UGT1A1: variants seen among roughly 807,000 people sequenced by gnomAD.
UGT1A1 encodes the protein UDP glucuronosyltransferase family 1 member A1.
Under a neutral mutation model 40.6 loss-of-function variants are expected in UGT1A1, and 33 were observed. That is an observed-to-expected ratio of 0.81 (90% CI 0.62 to 1.09). The LOEUF (loss-of-function observed/expected upper bound fraction) is 1.09. Among genes scored for constraint, UGT1A1 ranks in the 50% least tolerant of loss-of-function variants. The pLI is 0.00. For missense variants in UGT1A1, 694 were observed against 671.2 expected (o/e 1.03, Z -0.38); for synonymous variants, 249 against 265.0 (o/e 0.94, Z 0.59).
chr2:233,766,981 G>C lies in UGT1A1; in HGVS notation c.865-53G>C, dbSNP rs1699300845. On this transcript the variant is annotated intron_variant, in intron 1 of 4. Coordinates refer to ENST00000305208, the MANE Select transcript of UGT1A1 (RefSeq NM_000463.3). Reference sequence around the variant, plus strand: ...TCTAATTCATAACTTACTGTATGTAGTCATCAAAGAATATGAGAAAAAATT... The same window carrying C: ...TCTAATTCATAACTTACTGTATGTACTCATCAAAGAATATGAGAAAAAATT... 1.9e-6 allele frequency: 3 copies of C among 1,612,648 alleles called. No individual in the cohort carries two copies. In the East Asian group the frequency reaches 6.7e-5, roughly 36 times the overall value.
rs867393133 is a variant in UGT1A1 at position 233,772,500 on chromosome 2, C to T, written c.1543C>T (p.Arg515Trp). ...CTTTAAATGTTGTGCTTATGGCTACCGGAAATGCTTGGGGAAAAAAGGGCG... is the reference window on the plus strand; with the variant it reads ...CTTTAAATGTTGTGCTTATGGCTACTGGAAATGCTTGGGGAAAAAAGGGCG... ...ITFKCCAYGY[R>W]KCLGKKGRVK... Residue 515 changes from arginine (R) to tryptophan (W), a missense_variant, in exon 5 of 5, where the codon CGG becomes TGG. Arg to Trp is a moderately radical substitution (Grantham distance 101). Coordinates refer to ENST00000305208, the MANE Select transcript of UGT1A1 (RefSeq NM_000463.3). 25 of 1,614,078 alleles carry T rather than the reference C, an allele frequency of 1.5e-5. No homozygotes were observed. Among genetic ancestry groups the T allele is most frequent in the African/African-American group, 8.0e-5 (6 of 74,994 alleles).
At chr2:233,762,468 G>A (rs976449997) in intron 1 of UGT1A1, among the ~76,000 whole-genome samples, 1 of 152,122 alleles carries the variant, frequency 6.6e-6, no homozygotes, top group Non-Finnish European at 1.5e-5. Context: ...TAATGTCATG[G>A]ATATCACTCC....
intron 2 of UGT1A1, 147 bp from the exon 3 acceptor site, chr2:233,767,702 C>A: frequency 1.3e-6 from 2 of 1,514,192 alleles, no homozygotes; most frequent in Non-Finnish European, 1.8e-6. Flanking sequence ...AGTTGCCAGT[C>A]CTCAGAAGCC....
Position 233,769,484 on chromosome 2 carries a change from T to C in UGT1A1, c.1304+1045T>C, listed in dbSNP as rs774504306. 6.2e-6 allele frequency: 10 copies of C among 1,612,518 alleles called. No homozygotes were observed. The South Asian group carries it at 9.9e-5, about 16-fold the overall frequency. Reference sequence around the variant, plus strand: ...ATATGCGTGTGTGTGTGTGTGCGTGTGTTTATGAGAGTGTCCATTGCTTTC... The same window carrying C: ...ATATGCGTGTGTGTGTGTGTGCGTGCGTTTATGAGAGTGTCCATTGCTTTC... On this transcript the variant is annotated intron_variant, in intron 4 of 4. Coordinates refer to ENST00000305208, the MANE Select transcript of UGT1A1 (RefSeq NM_000463.3). This position sits in a 1 kb window ranked among gnomAD's most constrained non-coding sequence, Gnocchi z 4.4.
rs1341101614 is a variant in UGT1A1, at chr2:233,760,456, A to T, written c.169A>T (p.Ile57Leu). Residue 57 changes from isoleucine (I) to leucine (L), a missense_variant, in exon 1 of 5, where the codon ATA becomes TTA. Physicochemically the swap from Ile to Leu is conservative, Grantham distance 5. Coordinates refer to ENST00000305208, the MANE Select transcript of UGT1A1 (RefSeq NM_000463.3). The stretch of plus-strand genomic sequence containing the variant: ...GCAGCTGCAGCAGAGGGGACATGAA[A>T]TAGTTGTCCTAGCACCTGACGCCTC... ...IQQLQQRGHE[I>L]VVLAPDASLY... 6.2e-7 allele frequency: 1 copy of T among 1,614,230 alleles called. No homozygotes were observed. The highest frequency in any genetic ancestry group is 8.5e-7 in the Non-Finnish European group (1 of 1,180,046).
chr2:233,767,989 T>C lies in UGT1A1; in HGVS notation c.1084+53T>C, dbSNP rs1699539176. The C allele has an allele frequency of 3.1e-6, 5 of 1,614,076 alleles. No homozygotes were observed. In the Admixed American group the frequency reaches 5.0e-5, roughly 16 times the overall value. Reference sequence around the variant, plus strand: ...TCAAACCAGGGTCAAATTAAGAAAATGGCTTAAGCACAGCTATTCTAAAGG... The same window carrying C: ...TCAAACCAGGGTCAAATTAAGAAAACGGCTTAAGCACAGCTATTCTAAAGG... On this transcript the variant is annotated intron_variant, in intron 3 of 4. Coordinates refer to ENST00000305208, the MANE Select transcript of UGT1A1 (RefSeq NM_000463.3).
intron 1 of UGT1A1, 37 bp downstream of exon 1, chr2:233,761,188 C>A: frequency 6.2e-7 from 1 of 1,614,130 alleles, no homozygotes; most frequent in Non-Finnish European, 8.5e-7. Context: ...TGCGTATATT[C>A]TTTCAGATGT....
At chr2:233,767,763 C>T (rs34082659) in intron 2 of UGT1A1, 86 bp from the exon 3 acceptor site, 28,610 of 1,607,468 alleles carry the variant, frequency 0.018, 380 homozygotes, top group Admixed American at 0.044. Flanking sequence ...CTTCAGAGGA[C>T]CCCTGTTTTC....
intron 1 of UGT1A1, 98 bp from the exon 2 acceptor site, chr2:233,766,936 A>C: frequency 6.3e-7 from 1 of 1,586,086 alleles, no homozygotes; most frequent in Admixed American, 1.8e-5. Flanking sequence ...GCCTTTAATC[A>C]TAGTCTTAAG....
intron 4 of UGT1A1, 132 bp from the exon 5 acceptor site, chr2:233,772,130 A>G: frequency 2.6e-6 from 4 of 1,542,514 alleles, no homozygotes; most frequent in Non-Finnish European, 2.6e-6. Context: ...AACAACAACA[A>G]CAATAATAGA....
chr2:233,769,698 G>T lies in UGT1A1; in HGVS notation c.1304+1259G>T. 1.3e-6 allele frequency: 2 copies of T among 1,529,982 alleles called. No individual in the cohort carries two copies. Among genetic ancestry groups the T allele is most frequent in the Non-Finnish European group, 1.8e-6 (2 of 1,137,522 alleles). The allele number at this position is 1,529,982 out of a possible 1,614,324, so 94.8% of individuals were successfully genotyped here. A position where few individuals can be genotyped will look rare whatever the true frequency, so the allele number is the denominator to read the frequency against. On this transcript the variant is annotated intron_variant, in intron 4 of 4. Coordinates refer to ENST00000305208, the MANE Select transcript of UGT1A1 (RefSeq NM_000463.3). The surrounding 1 kb of genome is among the most constrained non-coding windows in gnomAD (Gnocchi z 4.4). ...GTGTGTGTGGTGGCACTGGATAAAA[G>T]ATCAATGTTGGCTAGGCACCATGGC...
chr2:233,766,640 TATC>T (rs1314167466), intron 1 of UGT1A1, among the ~76,000 whole-genome samples: 1 of 152,156 alleles, frequency 6.6e-6, no homozygotes, highest in African/African-American at 2.4e-5. Context: ...CCTACTTCCA[TATC>T]ATTTAAAGGG....
At chr2:233,762,774 G>T (rs1698159939) in intron 1 of UGT1A1, among the ~76,000 whole-genome samples, 2 of 149,604 alleles carry the variant, frequency 1.3e-5, no homozygotes, top group Non-Finnish European at 1.5e-5. Flanking sequence ...TCTATCTCTA[G>T]CTGATTATCT....
chr2:233,767,704 T>A, intron 2 of UGT1A1, 145 bp from the exon 3 acceptor site: 1 of 1,518,956 alleles, frequency 6.6e-7, no homozygotes, highest in East Asian at 2.4e-5. Context: ...TTGCCAGTCC[T>A]CAGAAGCCTT....
chr2:233,767,212 G>A (rs377453564), intron 2 of UGT1A1, 47 bp downstream of exon 2: 197 of 1,612,180 alleles, frequency 1.2e-4, no homozygotes, highest in Admixed American at 3.0e-4. Context: ...TCACAGGAGC[G>A]CTAATCCCAG....
intron 2 of UGT1A1, 103 bp from the exon 3 acceptor site, chr2:233,767,746 A>G (rs1269401537): frequency 1.3e-6 from 2 of 1,589,042 alleles, no homozygotes; most frequent in Non-Finnish European, 1.7e-6. Flanking sequence ...TCTGTTAAAG[A>G]CTGTTCCTTC....
chr2:233,771,662 C>A (rs1000689194), intron 4 of UGT1A1: 1 of 152,330 alleles, frequency 6.6e-6, no homozygotes, highest in Non-Finnish European at 1.5e-5. Flanking sequence ...AATGAAATTT[C>A]TCACAAAATA....
At chr2:233,771,238 A>G (rs1201821229) in intron 4 of UGT1A1, 1 of 152,168 alleles carries the variant, frequency 6.6e-6, no homozygotes, top group Non-Finnish European at 1.5e-5. Context: ...CAGCGATCAT[A>G]ATTAGTCCTG....
chr2:233,769,820 A>C lies in UGT1A1; in HGVS notation c.1304+1381A>C, dbSNP rs1699945956. 1.3e-5 allele frequency: 11 copies of C among 843,066 alleles called. No individual in the cohort carries two copies. The highest frequency in any genetic ancestry group is 1.5e-5 in the Non-Finnish European group (9 of 599,386). The allele number at this position is 843,066 out of a possible 1,614,324, so 52.2% of individuals were successfully genotyped here. On this transcript the variant is annotated intron_variant, in intron 4 of 4. Transcript: ENST00000305208. The surrounding 1 kb of genome is among the most constrained non-coding windows in gnomAD (Gnocchi z 4.4). ...CTATGAGCCGTGATCATGCCACTGCACTCCAGCAACCTGGGCAACAGAGTG... is the reference window on the plus strand; with the variant it reads ...CTATGAGCCGTGATCATGCCACTGCCCTCCAGCAACCTGGGCAACAGAGTG...
Sources: allele counts gnomAD v4.1 joint callset (sites outside exome capture counted in the v4.1 genomes callset), GRCh38; gene constraint gnomAD v4.1.1; non-coding constraint Gnocchi (gnomAD v3.1); transcripts MANE v1.5; gene names NCBI Gene and HGNC (gene_info 2026-07-23, HGNC 2026-07-21).